The following DSE variants were observed in gnomAD, a reference collection of about 807,000 sequenced individuals.
DSE encodes the protein dermatan sulfate epimerase.
DSE carries 36 observed loss-of-function variants against 84.4 expected under a neutral mutation model. The ratio of observed to expected loss-of-function variants is 0.43; its 90% CI spans 0.33 to 0.56. DSE has a LOEUF of 0.56. DSE is among the 20% of genes least tolerant of loss of function. The pLI, the probability that DSE is intolerant of heterozygous loss-of-function variation, is 0.06. For synonymous variants in DSE, 410 were observed against 430.1 expected (o/e 0.95, Z 0.58); for missense variants, 862 against 1,169.6 (o/e 0.74, Z 3.84).
chr6:116,269,299 T>G (rs1208366160), intron 2 of DSE, among the ~76,000 whole-genome samples: 1 of 152,050 alleles, frequency 6.6e-6, no homozygotes, highest in Non-Finnish European at 1.5e-5. Flanking sequence ...TGAAATGAGA[T>G]ATCTGTGAAG....
At chr6:116,258,478 C>A (rs1292767414) in exon 2 of DSE, 4 of 1,015,648 alleles carry the variant, frequency 3.9e-6, no homozygotes, top group East Asian at 2.4e-5. Context: ...GTTTATTGGG[C>A]AACAGCTGGG....
chr6:116,264,426 A>G (rs998271393), intron 2 of DSE, among the ~76,000 whole-genome samples: 1 of 152,060 alleles, frequency 6.6e-6, no homozygotes, highest in African/African-American at 2.4e-5. Flanking sequence ...TTTCAGCTCT[A>G]TCAGATCGGC....
At chr6:116,295,076 A>G (rs1774574327) in intron 2 of DSE, among the ~76,000 whole-genome samples, 1 of 152,216 alleles carries the variant, frequency 6.6e-6, no homozygotes, top group Non-Finnish European at 1.5e-5. Context: ...AAACAGGAAT[A>G]TTAGGTATAT....
intron 2 of DSE, among the ~76,000 whole-genome samples, chr6:116,317,323 C>G (rs540842387): frequency 2.0e-5 from 3 of 152,204 alleles, no homozygotes; most frequent in Non-Finnish European, 4.4e-5. Flanking sequence ...AATTCTGCCC[C>G]CTGCAGTCAA....
At chr6:116,317,461 T>G (rs1358859796) in intron 2 of DSE, among the ~76,000 whole-genome samples, 1 of 152,252 alleles carries the variant, frequency 6.6e-6, no homozygotes, top group African/African-American at 2.4e-5. Flanking sequence ...TCTTTACACA[T>G]TCTTTAACCT....
At chr6:116,270,818 A>G (rs1477063163) in intron 2 of DSE, among the ~76,000 whole-genome samples, 1 of 152,218 alleles carries the variant, frequency 6.6e-6, no homozygotes, top group Non-Finnish European at 1.5e-5. Context: ...AATATGGTGC[A>G]AAGTGTCTTA....
intron 2 of DSE, among the ~76,000 whole-genome samples, chr6:116,282,038 C>A (rs1262437161): frequency 6.6e-6 from 1 of 152,200 alleles, no homozygotes; most frequent in Non-Finnish European, 1.5e-5. Flanking sequence ...TCTGAAAAGA[C>A]CAGCATATTT....
At chr6:116,261,387 T>C (rs1375702411) in intron 2 of DSE, among the ~76,000 whole-genome samples, 1 of 152,118 alleles carries the variant, frequency 6.6e-6, no homozygotes, top group Non-Finnish European at 1.5e-5. Flanking sequence ...CTATTGTGAA[T>C]GGGATTGCCT....
chr6:116,436,547 C>CT lies in DSE; in HGVS notation c.2080dup (p.Tyr694LeufsTer9). 9 of 1,614,140 alleles carry CT rather than the reference C, an allele frequency of 5.6e-6. No individual in the cohort carries two copies. Among genetic ancestry groups the CT allele is most frequent in the Non-Finnish European group, 7.6e-6 (9 of 1,180,008 alleles). Reference sequence around the variant, plus strand: ...TGTTCATAGCCACCAGCAAACATGCCTACGCCACATACCTGTGGACAGGTG... The same window carrying CT: ...TGTTCATAGCCACCAGCAAACATGCCTTACGCCACATACCTGTGGACAGGTG... On this transcript the variant is annotated frameshift_variant, in exon 6 of 6. Transcript: ENST00000644252. LOFTEE classifies it high-confidence loss of function.
At chr6:116,290,228 T>C (rs1457023502) in intron 2 of DSE, among the ~76,000 whole-genome samples, 1 of 152,080 alleles carries the variant, frequency 6.6e-6, no homozygotes, top group African/African-American at 2.4e-5. Context: ...AACTCAAGGG[T>C]TACTGCCACC....
chr6:116,398,675 A>G (rs1781401525), intron 1 of DSE, among the ~76,000 whole-genome samples: 1 of 152,184 alleles, frequency 6.6e-6, no homozygotes, highest in African/African-American at 2.4e-5. Context: ...CTTATTCATA[A>G]TATTTTGTCT....
intron 2 of DSE, among the ~76,000 whole-genome samples, chr6:116,348,953 C>G (rs894901215): frequency 1.4e-5 from 2 of 145,666 alleles, no homozygotes; most frequent in African/African-American, 5.0e-5. Flanking sequence ...GGGTGGGGAA[C>G]ATCACACACC....
intron 2 of DSE, among the ~76,000 whole-genome samples, chr6:116,403,673 G>C (rs1781741457): frequency 6.6e-6 from 1 of 152,118 alleles, no homozygotes; most frequent in Non-Finnish European, 1.5e-5. Context: ...TGGTTGGTTG[G>C]TTTTCGTAGC....
At chr6:116,344,387 A>G (rs1401616440) in intron 2 of DSE, among the ~76,000 whole-genome samples, 1 of 152,244 alleles carries the variant, frequency 6.6e-6, no homozygotes, top group African/African-American at 2.4e-5. Context: ...CCAGAGAGAA[A>G]GGTTGGGTTA....
chr6:116,313,902 C>T (rs1775830979), intron 2 of DSE, among the ~76,000 whole-genome samples: 1 of 152,134 alleles, frequency 6.6e-6, no homozygotes, highest in Non-Finnish European at 1.5e-5. Flanking sequence ...ATCTTGCTAA[C>T]TTATGTCCTG....
chr6:116,307,756 C>A (rs1455663936), intron 2 of DSE, among the ~76,000 whole-genome samples: 2 of 152,190 alleles, frequency 1.3e-5, no homozygotes, highest in Non-Finnish European at 2.9e-5. Context: ...AAACACTGTG[C>A]AGCCCATGCT....
rs757929433 is a variant in DSE at position 116,436,530 on chromosome 6, G to A, written c.2062G>A (p.Ala688Thr). 2 of 1,614,026 alleles carry A rather than the reference G, an allele frequency of 1.2e-6. No individual in the cohort carries two copies. Among genetic ancestry groups the A allele is most frequent in the Non-Finnish European group, 1.7e-6 (2 of 1,180,008 alleles). Reference protein sequence around the residue: ...GDSQQLDVFIATSKHAYATYL... With the variant: ...GDSQQLDVFITTSKHAYATYL... ...CTCTCAGCAACTGGATGTGTTCATA[G>A]CCACCAGCAAACATGCCTACGCCAC... is the stretch of plus-strand genomic sequence containing the variant. Residue 688 changes from alanine to threonine, a missense_variant, in exon 6 of 6, where the codon GCC (alanine) becomes ACC (threonine). Physicochemically the swap from Ala to Thr is moderately conservative, Grantham distance 58. Coordinates refer to ENST00000644252, the MANE Select transcript of DSE (RefSeq NM_013352.4).
rs1367637172 is a variant in DSE at position 116,437,150 on chromosome 6, A to T, written c.2682A>T (p.Pro894=). The T allele has an allele frequency of 1.2e-6, 2 of 1,614,048 alleles. No homozygotes were observed. The highest frequency in any genetic ancestry group is 1.7e-5 in the Admixed American group (1 of 60,004). The change falls in exon 6 of 6, where the codon CCA becomes CCT. Residue 894 remains proline, a synonymous_variant. Transcript: ENST00000644252. ...TGACAACTACACACAGCAGGGCCCC[A>T]TCACTGTCTGCTTCCTATACCAGGT... The part of the protein sequence containing the change: ...RMVTTTHSRA[P]SLSASYTRLF...
intron 2 of DSE, among the ~76,000 whole-genome samples, chr6:116,360,163 G>A (rs1778807878): frequency 6.6e-6 from 1 of 152,268 alleles, no homozygotes; most frequent in South Asian, 2.1e-4. Context: ...TAAGAACACA[G>A]GGAGGAGAAC....
Sources: allele counts gnomAD v4.1 joint callset (sites outside exome capture counted in the v4.1 genomes callset), GRCh38; gene constraint gnomAD v4.1.1; transcripts MANE v1.5; gene names NCBI Gene and HGNC (gene_info 2026-07-23, HGNC 2026-07-21).